ADGRB2: variants seen among roughly 807,000 people sequenced by gnomAD.
The protein encoded by ADGRB2 is brain-specific angiogenesis inhibitor 2.
ADGRB2 carries 47 observed loss-of-function variants against 178.7 expected under a neutral mutation model. That is an observed-to-expected ratio of 0.26 (90% CI 0.21 to 0.34). ADGRB2 has a LOEUF of 0.34. Among genes scored for constraint, ADGRB2 ranks in the 10% least tolerant of loss-of-function variants. ADGRB2 has a pLI of 1.00. For missense variants in ADGRB2, 1,584 were observed against 2,180.8 expected (o/e 0.73, Z 5.45); for synonymous variants, 870 against 912.4 (o/e 0.95, Z 0.84).
At chr1:31,743,072 C>T (rs1646071031) in intron 6 of ADGRB2, 70 bp from the exon 7 acceptor site, 6 of 1,338,328 alleles carry the variant, frequency 4.5e-6, no homozygotes, top group Non-Finnish European at 5.8e-6. Flanking sequence ...CCTGCCCATC[C>T]GCCCACCAAT....
At chr1:31,730,216 G>A (rs993110072) in intron 29 of ADGRB2, among the ~76,000 whole-genome samples, 1 of 152,240 alleles carries the variant, frequency 6.6e-6, no homozygotes, top group Non-Finnish European at 1.5e-5. Flanking sequence ...ACCCGGAGGG[G>A]TTTGCTTTTC....
intron 15 of ADGRB2, 177 bp downstream of exon 15, chr1:31,739,131 T>C: frequency 1.1e-6 from 1 of 890,788 alleles, no homozygotes; most frequent in Non-Finnish European, 1.7e-6. Context: ...CAGCCCAGCC[T>C]CTGAGAGCAG....
chr1:31,736,611 G>A lies in ADGRB2; in HGVS notation c.3092C>T (p.Thr1031Ile), dbSNP rs1319598172. The A allele has an allele frequency of 2.5e-6, 4 of 1,614,038 alleles. No individual in the cohort carries two copies. The highest frequency in any genetic ancestry group is 2.7e-5 in the African/African-American group (2 of 74,944). The change falls in exon 21 of 33, where the codon ACC (threonine) becomes ATC (isoleucine). Residue 1031 changes from threonine (T) to isoleucine (I), a missense_variant. Around this residue, in one of 3 missense-constraint regions of ADGRB2, gnomAD observed 865 missense variants for 1,192.8 expected, o/e 0.73. Transcript: ENST00000373658. ...SYLAVIGRMR[T>I]RLVRKRFLCL... Reference sequence around the variant, plus strand: ...GAGGAAGCGCTTGCGAACGAGGCGGGTGCGCATCCGCCCAATGACAGCCAG... The same window carrying A: ...GAGGAAGCGCTTGCGAACGAGGCGGATGCGCATCCGCCCAATGACAGCCAG...
At chr1:31,762,621 T>G (rs1475962441) in intron 1 of ADGRB2, among the ~76,000 whole-genome samples, 1 of 79,572 alleles carries the variant, frequency 1.3e-5, no homozygotes, top group South Asian at 3.9e-4. Flanking sequence ...CCCCAACCCA[T>G]CCCACCCCCA....
chr1:31,747,306 C>A, intron 4 of ADGRB2, among the ~76,000 whole-genome samples: 1 of 152,062 alleles, frequency 6.6e-6, no homozygotes. Flanking sequence ...GCTTAATTAA[C>A]CCCCTCTGAA....
intron 4 of ADGRB2, among the ~76,000 whole-genome samples, chr1:31,751,604 T>C (rs1234158385): frequency 1.3e-5 from 2 of 152,262 alleles, no homozygotes; most frequent in Non-Finnish European, 2.9e-5. Flanking sequence ...AACGGCGCTT[T>C]GTTTTCACTG....
At position 31,727,677 on chromosome 1, in the gene ADGRB2, G is replaced by A. The variant is rs547756554; in HGVS notation, c.4573-72C>T. The A allele has an allele frequency of 1.1e-4, 149 of 1,401,308 alleles. 1 individual carries two copies. In the East Asian group the frequency reaches 2.9e-3, roughly 28 times the overall value. The allele number at this position is 1,401,308 out of a possible 1,614,324, so 86.8% of individuals were successfully genotyped here. A position where few individuals can be genotyped will look rare whatever the true frequency, so the allele number is the denominator to read the frequency against. On this transcript the variant is annotated intron_variant, in intron 32 of 32. Coordinates refer to ENST00000373658, the MANE Select transcript of ADGRB2 (RefSeq NM_001364857.2). The surrounding 1 kb of genome is among the most constrained non-coding windows in gnomAD (Gnocchi z 4.4). ...CCCATTGTACAGACGATCAAACTGAGGAGTCCCAGAGAGGGCTGGTAATGC... is the reference window on the plus strand; with the variant it reads ...CCCATTGTACAGACGATCAAACTGAAGAGTCCCAGAGAGGGCTGGTAATGC...
chr1:31,738,824 C>T lies in ADGRB2; in HGVS notation c.2601+8G>A. The T allele has an allele frequency of 5.0e-6, 8 of 1,613,902 alleles. No individual in the cohort carries two copies. The highest frequency in any genetic ancestry group is 4.2e-6 in the Non-Finnish European group (5 of 1,179,850). On this transcript the variant is annotated splice_region_variant and intron_variant, in intron 16 of 32. Coordinates refer to ENST00000373658, the MANE Select transcript of ADGRB2 (RefSeq NM_001364857.2). The stretch of plus-strand genomic sequence containing the variant: ...GCACCCAAGGTCTCTGCATGGATCT[C>T]CACTCACATTGATGATGTAGGAGAG...
Position 31,742,987 on chromosome 1 carries a change from T to C in ADGRB2, c.1103A>G (p.Glu368Gly). The C allele has an allele frequency of 6.6e-7, 1 of 1,517,792 alleles. No homozygotes were observed. Among genetic ancestry groups the C allele is most frequent in the Non-Finnish European group, 8.8e-7 (1 of 1,130,336 alleles). 94.0% of individuals were successfully genotyped at this position (1,517,792 alleles called of 1,614,324 possible). A position where few individuals can be genotyped will look rare whatever the true frequency, so the allele number is the denominator to read the frequency against. Residue 368 changes from glutamate to glycine, a missense_variant, in exon 7 of 33, where the codon GAG becomes GGG. Glu to Gly is a moderately conservative substitution (Grantham distance 98). This residue lies in a region of ADGRB2 where 657 missense variants were observed against 847.6 expected (regional missense o/e 0.78). Transcript: ENST00000373658. ...GCACAGGCTCCAGGACCCCCACTCC[T>C]CCCACACGCCGTGCACTGCAAGGAA... ...SATCPVHGVW[E>G]EWGSWSLCSR...
rs1440320821 is a variant in ADGRB2 at position 31,738,313 on chromosome 1, C to T, written c.2659G>A (p.Gly887Arg). Residue 887 changes from glycine to arginine, a missense_variant, in exon 18 of 33, where the codon GGA becomes AGA. Gly to Arg is a moderately radical substitution (Grantham distance 125). Around this residue, in one of 3 missense-constraint regions of ADGRB2, gnomAD observed 865 missense variants for 1,192.8 expected, o/e 0.73. Transcript: ENST00000373658. ...TGGCAATTTTCAGTGTCCCAGTCTCCTGAGCTGGCATCTCTTGGGTAGGGG... is the reference window on the plus strand; with the variant it reads ...TGGCAATTTTCAGTGTCCCAGTCTCTTGAGCTGGCATCTCTTGGGTAGGGG... ...WDYSRADASSGDWDTENCQTL... is the reference protein window; with the variant it reads ...WDYSRADASSRDWDTENCQTL... 2 of 1,613,010 alleles carry T rather than the reference C, an allele frequency of 1.2e-6. No homozygotes were observed. The highest frequency in any genetic ancestry group is 2.7e-5 in the African/African-American group (2 of 74,004).
chr1:31,737,398 A>C, intron 20 of ADGRB2, 31 bp downstream of exon 20: 2 of 1,584,830 alleles, frequency 1.3e-6, no homozygotes, highest in Non-Finnish European at 1.7e-6. Flanking sequence ...CCCCACTCAC[A>C]CCCCTGGCAG....
Position 31,735,517 on chromosome 1 carries a change from C to T in ADGRB2, c.3353+63G>A, listed in dbSNP as rs1177936410. ...ATCGAGCCCTGAGTCTCCAAGAGCA[C>T]CCATGTCCCTCCCTCCCTGCACCAT... is the stretch of plus-strand genomic sequence containing the variant. On this transcript the variant is annotated intron_variant, in intron 24 of 32. Coordinates refer to ENST00000373658, the MANE Select transcript of ADGRB2 (RefSeq NM_001364857.2). This position sits in a 1 kb window ranked among gnomAD's most constrained non-coding sequence, Gnocchi z 6.0. The T allele has an allele frequency of 1.3e-6, 2 of 1,568,972 alleles. No individual in the cohort carries two copies. The highest frequency in any genetic ancestry group is 2.3e-5 in the East Asian group (1 of 44,142).
In ADGRB2 at chr1:31,741,422, G is replaced by C; in HGVS notation, c.1745C>G (p.Pro582Arg). 1 of 1,607,332 alleles carries C rather than the reference G, an allele frequency of 6.2e-7. No individual in the cohort carries two copies. Among genetic ancestry groups the C allele is most frequent in the Non-Finnish European group, 8.5e-7 (1 of 1,177,198 alleles). Reference protein sequence around the residue: ...SAQGVAYWGLPSFARCISHEY... With the variant: ...SAQGVAYWGLRSFARCISHEY... ...ATGGGAGATGCAGCGAGCAAAGCTG[G>C]GCAGCCCCCAGTACGCCACGCCTTG... is the stretch of plus-strand genomic sequence containing the variant. The change falls in exon 11 of 33, where the codon CCC becomes CGC. Residue 582 changes from proline (P) to arginine (R), a missense_variant. Coordinates refer to ENST00000373658, the MANE Select transcript of ADGRB2 (RefSeq NM_001364857.2). The surrounding 1 kb of genome is among the most constrained non-coding windows in gnomAD (Gnocchi z 6.5).
At chr1:31,730,645 G>A (rs932292411) in intron 29 of ADGRB2, among the ~76,000 whole-genome samples, 155 bp downstream of exon 29, 3 of 152,230 alleles carry the variant, frequency 2.0e-5, no homozygotes, top group African/African-American at 4.8e-5. Context: ...ACACCACGGA[G>A]CTGCCATGAG....
rs754376609 is a variant in ADGRB2, at chr1:31,735,975, G to C, written c.3201-82C>G. Reference sequence around the variant, plus strand: ...AAACACCATCCCTCAGTCCTCCCAGGCTGCCATGCCCGCATCACCAGTGCA... The same window carrying C: ...AAACACCATCCCTCAGTCCTCCCAGCCTGCCATGCCCGCATCACCAGTGCA... On this transcript the variant is annotated intron_variant, in intron 22 of 32. Transcript: ENST00000373658. The surrounding 1 kb of genome is among the most constrained non-coding windows in gnomAD (Gnocchi z 6.0). The C allele has an allele frequency of 1.4e-6, 2 of 1,393,898 alleles. No individual in the cohort carries two copies. The highest frequency in any genetic ancestry group is 2.0e-6 in the Non-Finnish European group (2 of 1,024,502). 86.3% of individuals were successfully genotyped at this position (1,393,898 alleles called of 1,614,324 possible).
At chr1:31,730,184 C>T (rs1645204824) in intron 29 of ADGRB2, among the ~76,000 whole-genome samples, 1 of 152,214 alleles carries the variant, frequency 6.6e-6, no homozygotes, top group South Asian at 2.1e-4. Context: ...GTGAAGGATT[C>T]ACAGAACACA....
In ADGRB2 at chr1:31,759,561, C is replaced by G. The variant is rs1240237867; in HGVS notation, c.-190-2050G>C. On this transcript the variant is annotated intron_variant, in intron 1 of 32. Transcript: ENST00000373658. The surrounding 1 kb of genome is among the most constrained non-coding windows in gnomAD (Gnocchi z 4.3). ...AACCCAATCCAACCCCCCTCCTCCC[C>G]TCAGTCTCCTTCAGACACCTTCACG... 6 of 600,396 alleles carry G rather than the reference C, an allele frequency of 1.0e-5. No individual in the cohort carries two copies. The Admixed American group carries it at 1.8e-4, about 18-fold the overall frequency. 37.2% of individuals were successfully genotyped at this position (600,396 alleles called of 1,614,324 possible).
chr1:31,731,157 C>T lies in ADGRB2; in HGVS notation c.4023G>A (p.Arg1341=), dbSNP rs1448815237. The T allele has an allele frequency of 1.9e-6, 3 of 1,597,110 alleles. No homozygotes were observed. In the Admixed American group the frequency reaches 5.2e-5, roughly 27 times the overall value. Residue 1341 remains arginine (R), a synonymous_variant, in exon 29 of 33, where the codon CGG becomes CGA. Transcript: ENST00000373658. ...GLRQLDLTWL[R]PTEPGSEGDY... ...CTCCCTCAGAGCCTGGCTCAGTGGGCCGCAGCCATGTGAGGTCCAGCTGCC... is the reference window on the plus strand; with the variant it reads ...CTCCCTCAGAGCCTGGCTCAGTGGGTCGCAGCCATGTGAGGTCCAGCTGCC...
rs1645803732 is a variant in ADGRB2 at position 31,739,298 on chromosome 1, C to G, written c.2495+10G>C. 2.8e-6 allele frequency: 4 copies of G among 1,447,360 alleles called. No individual in the cohort carries two copies. The highest frequency in any genetic ancestry group is 3.6e-6 in the Non-Finnish European group (4 of 1,098,322). 89.7% of individuals were successfully genotyped at this position (1,447,360 alleles called of 1,614,324 possible). On this transcript the variant is annotated intron_variant, in intron 15 of 32. Transcript: ENST00000373658. ...CTCAGCAGCCCCAGCCACCCATCCC[C>G]AGGACTCACCTGGGAGGCGGCAGGA...
Sources: allele counts gnomAD v4.1 joint callset (sites outside exome capture counted in the v4.1 genomes callset), GRCh38; gene constraint gnomAD v4.1.1; regional missense constraint gnomAD v4.1.1; non-coding constraint Gnocchi (gnomAD v3.1); transcripts MANE v1.5; gene names NCBI Gene and HGNC (gene_info 2026-07-23, HGNC 2026-07-21).